Variants in FAM135A observed in about 807,000 individuals in gnomAD.
The protein encoded by FAM135A is protein FAM135A.
In FAM135A, 79 loss-of-function variants were observed where a neutral mutation model predicts 146.8. The ratio of observed to expected loss-of-function variants is 0.54; its 90% CI spans 0.45 to 0.65. FAM135A has a LOEUF of 0.65. Ranked by LOEUF, FAM135A falls within the 30% of genes least tolerant of loss-of-function variation. The pLI is 0.00. For synonymous variants in FAM135A, 562 were observed against 603.6 expected, an observed-to-expected ratio of 0.93 and a Z score of 1.01; for missense variants, 1,623 against 1,758.2, an observed-to-expected ratio of 0.92 and a Z score of 1.38.
intron 12 of FAM135A, among the ~76,000 whole-genome samples, chr6:70,520,222 A>T (rs899432755): frequency 1.3e-5 from 2 of 152,160 alleles, no homozygotes; most frequent in Non-Finnish European, 2.9e-5. Context: ...ACTGAAACCA[A>T]GTGCAATTGT....
In FAM135A at chr6:70,559,793, A is replaced by T; in HGVS notation, c.4420A>T (p.Asn1474Tyr). The T allele has an allele frequency of 6.2e-7, 1 of 1,614,150 alleles. No homozygotes were observed. The part of the protein sequence containing the change: ...QSKDCNLVRY[N>Y]VINALPNTAD... ...CAAGGACTGTAATTTGGTTCGCTAT[A>T]ATGTCATCAATGCATTGCCCAATAC... Residue 1474 changes from asparagine (N) to tyrosine (Y), a missense_variant, in exon 22 of 22, where the codon AAT (asparagine) becomes TAT (tyrosine). Coordinates refer to ENST00000418814, the MANE Select transcript of FAM135A (RefSeq NM_001162529.3).
intron 5 of FAM135A, among the ~76,000 whole-genome samples, chr6:70,455,352 G>A (rs1778095700): frequency 6.6e-6 from 1 of 150,858 alleles, no homozygotes; most frequent in African/African-American, 2.4e-5. Context: ...CTATTAAAAT[G>A]CTCACAGAGG....
chr6:70,498,429 C>T (rs555775538), intron 11 of FAM135A, among the ~76,000 whole-genome samples: 38 of 152,174 alleles, frequency 2.5e-4, no homozygotes, highest in African/African-American at 9.2e-4. Flanking sequence ...AAAACCAGCT[C>T]CTGGATTCAT....
chr6:70,464,862 T>C (rs1398033268), intron 5 of FAM135A, among the ~76,000 whole-genome samples: 16 of 117,860 alleles, frequency 1.4e-4, no homozygotes, highest in East Asian at 4.1e-4. Flanking sequence ...TTTTTTTTTT[T>C]CAGTAGAGAT....
chr6:70,480,872 C>G (rs1783566120), intron 8 of FAM135A, 29 bp from the exon 9 acceptor site: 1 of 1,590,226 alleles, frequency 6.3e-7, no homozygotes. Flanking sequence ...ACTCGTATGA[C>G]AATAATAATG....
At chr6:70,545,080 CA>C (rs200793256) in intron 20 of FAM135A, among the ~76,000 whole-genome samples, 1 of 150,460 alleles carries the variant, frequency 6.6e-6, no homozygotes, top group African/African-American at 2.4e-5. Flanking sequence ...AACAAACAAA[CA>C]AAAAAAACCA....
At position 70,551,767 on chromosome 6, in the gene FAM135A, T is replaced by A. The variant is rs187862203; in HGVS notation, c.4229-4983T>A. ...AGGGAGAGAGACTGGAAATGGCCAG[T>A]TGGTGGAGCAGTCAGAGCATAGTCC... On this transcript the variant is annotated intron_variant, in intron 20 of 21. Coordinates refer to ENST00000418814, the MANE Select transcript of FAM135A (RefSeq NM_001162529.3). Among the ~76,000 whole-genome samples the A allele has an allele frequency of 4.7e-4, 72 of 152,278 alleles. No homozygotes were observed. The South Asian group carries it at 8.1e-3, about 17-fold the overall frequency.
intron 4 of FAM135A, among the ~76,000 whole-genome samples, chr6:70,437,878 A>G (rs1562417698): frequency 6.6e-6 from 1 of 152,194 alleles, no homozygotes; most frequent in Non-Finnish European, 1.5e-5. Context: ...ATTTATTAAT[A>G]AAACATGGAA....
chr6:70,475,759 C>T, intron 7 of FAM135A, 26 bp downstream of exon 7: 4 of 1,532,608 alleles, frequency 2.6e-6, no homozygotes, highest in Non-Finnish European at 3.6e-6. Flanking sequence ...ATTAAAAAAC[C>T]TTTAGGCACT....
At chr6:70,545,520 C>T (rs1273647464) in intron 20 of FAM135A, among the ~76,000 whole-genome samples, 1 of 152,054 alleles carries the variant, frequency 6.6e-6, no homozygotes, top group Non-Finnish European at 1.5e-5. Context: ...AAGGCTGAGG[C>T]AGGAGAATTG....
At chr6:70,494,916 C>T (rs1786886226) in intron 11 of FAM135A, among the ~76,000 whole-genome samples, 3 of 152,122 alleles carry the variant, frequency 2.0e-5, no homozygotes, top group Admixed American at 6.6e-5. Flanking sequence ...ATATCTTATA[C>T]AGTGCTATTT....
At chr6:70,463,480 A>C (rs1284578867) in intron 5 of FAM135A, among the ~76,000 whole-genome samples, 2 of 151,644 alleles carry the variant, frequency 1.3e-5, no homozygotes, top group Non-Finnish European at 2.9e-5. Context: ...GGCTGGTCTC[A>C]AACTCTTGGC....
rs1157950821 is a variant in FAM135A at position 70,477,268 on chromosome 6, C to A, written c.478C>A (p.His160Asn). 6.2e-7 allele frequency: 1 copy of A among 1,613,444 alleles called. No individual in the cohort carries two copies. Among genetic ancestry groups the A allele is most frequent in the Admixed American group, 1.7e-5 (1 of 59,906 alleles). ...TGTTAATGTTATGTTTGATTACTTC[C>A]ACCTTTCTGTTGTGTCTGTTACAGT... is the stretch of plus-strand genomic sequence containing the variant. Reference protein sequence around the residue: ...HHVNVMFDYFHLSVVSVTVHA... With the variant: ...HHVNVMFDYFNLSVVSVTVHA... The change falls in exon 8 of 22, where the codon CAC (histidine) becomes AAC (asparagine). Residue 160 changes from histidine (H) to asparagine (N), a missense_variant. By Grantham distance (68) the His-to-Asn change is moderately conservative. Coordinates refer to ENST00000418814, the MANE Select transcript of FAM135A (RefSeq NM_001162529.3).
chr6:70,531,717 T>C (rs1392105554), intron 16 of FAM135A, among the ~76,000 whole-genome samples: 2 of 152,160 alleles, frequency 1.3e-5, no homozygotes, highest in Non-Finnish European at 2.9e-5. Flanking sequence ...TTAAACAAGT[T>C]ACCCATTTGT....
At chr6:70,466,612 G>T (rs1191044479) in intron 5 of FAM135A, among the ~76,000 whole-genome samples, 4 of 152,188 alleles carry the variant, frequency 2.6e-5, no homozygotes, top group Admixed American at 2.0e-4. Context: ...CACTTTCAGG[G>T]CTTCTGGCAA....
intron 5 of FAM135A, among the ~76,000 whole-genome samples, chr6:70,455,263 G>A (rs1365839254): frequency 6.6e-6 from 1 of 151,926 alleles, no homozygotes; most frequent in Non-Finnish European, 1.5e-5. Flanking sequence ...TGTGATTTTT[G>A]CACATTGATT....
intron 10 of FAM135A, among the ~76,000 whole-genome samples, chr6:70,483,705 A>G (rs1252522566): frequency 5.9e-5 from 9 of 152,200 alleles, no homozygotes; most frequent in Admixed American, 5.9e-4. Flanking sequence ...AAACTATTAT[A>G]CTAACATATT....
chr6:70,460,248 T>C (rs1424264597), intron 5 of FAM135A, among the ~76,000 whole-genome samples: 2 of 152,234 alleles, frequency 1.3e-5, no homozygotes, highest in African/African-American at 4.8e-5. Context: ...GATACTGTTA[T>C]TCTCATATGT....
rs118022069 is a variant in FAM135A at position 70,452,989 on chromosome 6, G to A, written c.157+418G>A. ...TTTCTGGATTAGGTTCTCTATTTAT[G>A]AAACAGAGCCAAAAGGCAATGTAGG... is the stretch of plus-strand genomic sequence containing the variant. On this transcript the variant is annotated intron_variant, in intron 5 of 21. Transcript: ENST00000418814. 3.0e-3 allele frequency among the ~76,000 whole-genome samples: 454 copies of A among 152,034 alleles called. 3 individuals are homozygous for A. The highest frequency in any genetic ancestry group is 0.01 in the African/African-American group (433 of 41,458).
Sources: allele counts gnomAD v4.1 joint callset (sites outside exome capture counted in the v4.1 genomes callset), GRCh38; gene constraint gnomAD v4.1.1; transcripts MANE v1.5; gene names NCBI Gene and HGNC (gene_info 2026-07-23, HGNC 2026-07-21).